The following SAMHD1 variants were observed in gnomAD, a reference collection of about 807,000 sequenced individuals.
SAMHD1 encodes the protein SAM and HD domain containing deoxynucleoside triphosphate triphosphohydrolase 1, also known as deoxynucleoside triphosphate triphosphohydrolase SAMHD1.
A neutral mutation model predicts 79.6 loss-of-function variants in SAMHD1; 54 were observed. That is an observed-to-expected ratio of 0.68 (90% CI 0.55 to 0.85). SAMHD1 has a LOEUF of 0.85. SAMHD1 is among the 40% of genes least tolerant of loss of function. The pLI is 0.00. For missense variants in SAMHD1, 663 were observed against 782.7 expected, an observed-to-expected ratio of 0.85 and a Z score of 1.82; for synonymous variants, 260 against 264.1, an observed-to-expected ratio of 0.98 and a Z score of 0.15.
rs184468928 is a variant in SAMHD1 at position 36,936,703 on chromosome 20, A to G, written c.349-1514T>C. On this transcript the variant is annotated intron_variant, in intron 3 of 15. Coordinates refer to ENST00000646673, the MANE Select transcript of SAMHD1 (RefSeq NM_015474.4). ...TTTTTGTTTGTTTGTTTTTTGAGAC[A>G]GAGTCTAGCTCTATCACATAAGCTG... is the stretch of plus-strand genomic sequence containing the variant. 3.8e-3 allele frequency among the ~76,000 whole-genome samples: 582 copies of G among 152,152 alleles called. 5 individuals are homozygous for G. The highest frequency in any genetic ancestry group is 0.014 in the African/African-American group (562 of 41,522).
chr20:36,944,111 C>CCTGA (rs1226982549), intron 2 of SAMHD1, among the ~76,000 whole-genome samples: 1 of 143,932 alleles, frequency 6.9e-6, no homozygotes, highest in Non-Finnish European at 1.5e-5. Context: ...CTTTGGGAGG[C>CCTGA]CTGAGGCGGG....
In SAMHD1 at chr20:36,912,751, A is replaced by AT. The variant is rs66970329; in HGVS notation, c.1063-200dup. ...AGCCATTTATTGGCTTGCAACTTTC[A>AT]TTTTTTTTTTTTTTTTTTTTTTTTT... On this transcript the variant is annotated intron_variant, in intron 9 of 15. Coordinates refer to ENST00000646673, the MANE Select transcript of SAMHD1 (RefSeq NM_015474.4). Among the ~76,000 whole-genome samples the AT allele has an allele frequency of 0.12, 12,601 of 106,806 alleles. 1,491 individuals are homozygous for AT. Among genetic ancestry groups the AT allele is most frequent in the Middle Eastern group, 0.16 (25 of 154 alleles). The allele number at this position is 106,806 out of a possible 152,430, so 70.1% of individuals were successfully genotyped here.
chr20:36,903,488 C>T (rs931351248), intron 13 of SAMHD1, among the ~76,000 whole-genome samples: 2 of 151,900 alleles, frequency 1.3e-5, no homozygotes, highest in African/African-American at 2.4e-5. Flanking sequence ...ATCGACCCGC[C>T]TCGGCTTCCC....
At chr20:36,937,860 GTT>G (rs1401125895) in intron 3 of SAMHD1, among the ~76,000 whole-genome samples, 1 of 102,728 alleles carries the variant, frequency 9.7e-6, no homozygotes. Context: ...ATGTTGGTTT[GTT>G]TTTTTTTTTT....
intron 11 of SAMHD1, among the ~76,000 whole-genome samples, chr20:36,907,872 CTTAT>C (rs975958335): frequency 2.6e-5 from 4 of 151,420 alleles, no homozygotes; most frequent in Non-Finnish European, 4.4e-5. Context: ...TTTTATTTTA[CTTAT>C]TTATTTATTT....
intron 13 of SAMHD1, among the ~76,000 whole-genome samples, chr20:36,903,030 C>T (rs910748237): frequency 7.9e-5 from 12 of 152,002 alleles, no homozygotes; most frequent in African/African-American, 2.9e-4. Flanking sequence ...TGAGCCACCT[C>T]ACTCGGCCTA....
intron 3 of SAMHD1, among the ~76,000 whole-genome samples, chr20:36,937,031 C>T (rs2063609108): frequency 6.6e-6 from 1 of 151,636 alleles, no homozygotes; most frequent in African/African-American, 2.4e-5. Flanking sequence ...ATCCCAGCTA[C>T]TCAGGAGGCT....
intron 14 of SAMHD1, 114 bp downstream of exon 14, chr20:36,898,326 C>A: frequency 1.2e-6 from 1 of 820,830 alleles, no homozygotes; most frequent in East Asian, 2.6e-5. Flanking sequence ...CTGTGCCAGG[C>A]CCACTTTAAT....
At chr20:36,951,220 G>T (rs1214239247) in intron 1 of SAMHD1, among the ~76,000 whole-genome samples, 4 of 152,116 alleles carry the variant, frequency 2.6e-5, no homozygotes, top group Non-Finnish European at 5.9e-5. Context: ...GCCCCATGCC[G>T]CAGGCCCTCC....
chr20:36,922,115 A>G (rs2063509800), intron 6 of SAMHD1, among the ~76,000 whole-genome samples: 2 of 152,226 alleles, frequency 1.3e-5, no homozygotes, highest in South Asian at 4.1e-4. Flanking sequence ...AAAAAATGAC[A>G]AAGTCACTAA....
In SAMHD1 at chr20:36,904,203, T is replaced by C. The variant is rs1399199211; in HGVS notation, c.1457A>G (p.Lys486Arg). The C allele has an allele frequency of 4.3e-6, 7 of 1,613,784 alleles. No individual in the cohort carries two copies. Among genetic ancestry groups the C allele is most frequent in the Non-Finnish European group, 4.2e-6 (5 of 1,179,832 alleles). The change falls in exon 13 of 16, where the codon AAA becomes AGA. Residue 486 changes from lysine (K) to arginine (R), a missense_variant. Transcript: ENST00000646673. ...CTTCAGTTTCACGTCTAGCAATACT[T>C]TGGGTTTAGCACTGGCAACCTCTTT... ...LPKEVASAKP[K>R]VLLDVKLKAE...
chr20:36,895,091 A>G (rs1990173860), intron 15 of SAMHD1, among the ~76,000 whole-genome samples: 1 of 152,078 alleles, frequency 6.6e-6, no homozygotes, highest in Admixed American at 6.6e-5. Flanking sequence ...AGTGAATTTT[A>G]TAAATGTAAA....
intron 9 of SAMHD1, among the ~76,000 whole-genome samples, chr20:36,913,606 GA>G (rs796926123): frequency 5.5e-3 from 615 of 112,334 alleles, no homozygotes; most frequent in South Asian, 0.011. Context: ...CCAACTCAAA[GA>G]AAAAAAAAAA....
intron 2 of SAMHD1, among the ~76,000 whole-genome samples, chr20:36,943,646 C>A (rs2063662943): frequency 6.6e-6 from 1 of 152,174 alleles, no homozygotes; most frequent in African/African-American, 2.4e-5. Flanking sequence ...CTTGGGTCCA[C>A]AAACATGCAC....
At chr20:36,951,362 C>T (rs771773939) in intron 1 of SAMHD1, 74 bp downstream of exon 1, 3 of 1,596,514 alleles carry the variant, frequency 1.9e-6, no homozygotes, top group African/African-American at 1.3e-5. Context: ...TCTCGTGGGG[C>T]CCCCTCCCTC....
chr20:36,939,253 CAAAAAAAAAAAAAAAA>C (rs57018620), intron 3 of SAMHD1, among the ~76,000 whole-genome samples: 3 of 36,640 alleles, frequency 8.2e-5, no homozygotes, highest in African/African-American at 1.3e-4. Flanking sequence ...GACTCCCTCT[CAAAAAAAAAAAAAAAA>C]AAAAAAAAAA....
At chr20:36,922,468 C>A (rs7268811) in intron 6 of SAMHD1, among the ~76,000 whole-genome samples, 18,217 of 152,134 alleles carry the variant, frequency 0.12, 1,410 homozygotes, top group Middle Eastern at 0.22. Context: ...CTCAGTGTAT[C>A]CCTGAACTCC....
intron 2 of SAMHD1, among the ~76,000 whole-genome samples, chr20:36,943,460 T>C (rs939044850): frequency 3.3e-5 from 5 of 152,206 alleles, no homozygotes; most frequent in African/African-American, 1.2e-4. Context: ...TAAGGAGTCC[T>C]ACAGAATTTG....
intron 3 of SAMHD1, among the ~76,000 whole-genome samples, chr20:36,938,729 A>C (rs1325656678): frequency 6.6e-6 from 1 of 151,718 alleles, no homozygotes; most frequent in Non-Finnish European, 1.5e-5. Context: ...CCAGCTACTC[A>C]GGAAGCTGAT....
Sources: allele counts gnomAD v4.1 joint callset (sites outside exome capture counted in the v4.1 genomes callset), GRCh38; gene constraint gnomAD v4.1.1; transcripts MANE v1.5; gene names NCBI Gene and HGNC (gene_info 2026-07-23, HGNC 2026-07-21).